PTN: variants seen among roughly 807,000 people sequenced by gnomAD.
PTN encodes the protein pleiotrophin.
A neutral mutation model predicts 24.1 loss-of-function variants in PTN; 18 were observed. That is an observed-to-expected ratio of 0.75 (90% confidence interval 0.52 to 1.11). PTN has a LOEUF of 1.11. PTN is among the 50% of genes least tolerant of loss of function. The pLI is 0.00. For missense variants in PTN, 163 were observed against 198.8 expected (o/e 0.82, Z 1.08); for synonymous variants, 78 against 68.6 (o/e 1.14, Z -0.67).
intron 1 of PTN, among the ~76,000 whole-genome samples, chr7:137,277,896 TAGATGAGATGATA>T (rs1178800261): frequency 1.4e-3 from 27 of 18,628 alleles, no homozygotes; most frequent in African/African-American, 4.5e-3. Context: ...GATAGATAGA[TAGATGAGATGATA>T]GATAGATAGA....
intron 1 of PTN, among the ~76,000 whole-genome samples, chr7:137,297,958 C>T (rs1186249151): frequency 3.3e-5 from 5 of 151,916 alleles, no homozygotes. Context: ...ACTCACTAAC[C>T]CTGTCACAAG....
At chr7:137,245,692 A>T (rs1486698996) in intron 4 of PTN, among the ~76,000 whole-genome samples, 2 of 151,886 alleles carry the variant, frequency 1.3e-5, no homozygotes, top group Non-Finnish European at 2.9e-5. Context: ...ATCATAGGAG[A>T]TGATGTGTTA....
chr7:137,316,212 C>T (rs530997799), intron 1 of PTN, among the ~76,000 whole-genome samples: 1 of 152,248 alleles, frequency 6.6e-6, no homozygotes, highest in South Asian at 2.1e-4. Flanking sequence ...ATACTTTTCC[C>T]AGACGATCCG....
At chr7:137,333,208 GC>G (rs1161727600) in intron 1 of PTN, among the ~76,000 whole-genome samples, 2 of 152,118 alleles carry the variant, frequency 1.3e-5, no homozygotes, top group African/African-American at 4.8e-5. Flanking sequence ...TGTGATGCCT[GC>G]TCCCTTTCAC....
intron 1 of PTN, among the ~76,000 whole-genome samples, chr7:137,279,767 A>G (rs1308447992): frequency 6.6e-6 from 1 of 152,224 alleles, no homozygotes; most frequent in African/African-American, 2.4e-5. Context: ...AAGAAAGGCC[A>G]TTATTAGATG....
At chr7:137,248,760 GA>G (rs1413194276) in intron 4 of PTN, among the ~76,000 whole-genome samples, 1 of 152,132 alleles carries the variant, frequency 6.6e-6, no homozygotes, top group East Asian at 1.9e-4. Context: ...TGCTGAGATG[GA>G]AAAGATTGGT....
At chr7:137,282,652 A>G (rs1213561800) in intron 1 of PTN, among the ~76,000 whole-genome samples, 8 of 152,232 alleles carry the variant, frequency 5.3e-5, no homozygotes, top group Non-Finnish European at 1.0e-4. Context: ...AATGTGATTA[A>G]AAATGGGTAC....
At chr7:137,300,396 C>T (rs929916397) in intron 1 of PTN, among the ~76,000 whole-genome samples, 1 of 151,748 alleles carries the variant, frequency 6.6e-6, no homozygotes, top group African/African-American at 2.4e-5. Flanking sequence ...GTGCTAGGGA[C>T]CAGAGACAGA....
At chr7:137,242,061 A>G (rs574553149) in intron 4 of PTN, among the ~76,000 whole-genome samples, 8 of 152,156 alleles carry the variant, frequency 5.3e-5, no homozygotes, top group Non-Finnish European at 1.2e-4. Context: ...TGTTGGGGGG[A>G]ACTTCTTTTA....
chr7:137,239,023 C>A (rs1007912436), intron 4 of PTN, among the ~76,000 whole-genome samples: 7 of 152,184 alleles, frequency 4.6e-5, no homozygotes, highest in African/African-American at 1.7e-4. Context: ...TGTGAGTACA[C>A]AGCTAATGAC....
intron 1 of PTN, among the ~76,000 whole-genome samples, chr7:137,320,958 TCA>T: frequency 1.3e-5 from 2 of 152,332 alleles, no homozygotes; most frequent in Middle Eastern, 6.8e-3. Flanking sequence ...GCTTTATTTT[TCA>T]CAGACTCAAA....
At chr7:137,260,872 T>C (rs888968311) in intron 1 of PTN, among the ~76,000 whole-genome samples, 2 of 152,186 alleles carry the variant, frequency 1.3e-5, no homozygotes, top group African/African-American at 4.8e-5. Flanking sequence ...GGTTGCAAAA[T>C]GGTGATATTC....
intron 4 of PTN, among the ~76,000 whole-genome samples, chr7:137,247,260 C>T (rs1419057852): frequency 1.3e-5 from 2 of 152,084 alleles, no homozygotes; most frequent in Non-Finnish European, 2.9e-5. Flanking sequence ...GATTTGGAAG[C>T]AACGTAAGTG....
At chr7:137,338,850 T>C (rs1210775747) in intron 1 of PTN, among the ~76,000 whole-genome samples, 1 of 152,214 alleles carries the variant, frequency 6.6e-6, no homozygotes, top group East Asian at 1.9e-4. Context: ...ATTAAAAATG[T>C]GAGTCCAGAG....
intron 4 of PTN, among the ~76,000 whole-genome samples, chr7:137,237,891 G>A (rs1038201623): frequency 6.6e-6 from 1 of 152,070 alleles, no homozygotes; most frequent in African/African-American, 2.4e-5. Context: ...TCTATTTTCT[G>A]TAAGAGTAAA....
chr7:137,257,053 T>C (rs1376527888), intron 1 of PTN, among the ~76,000 whole-genome samples: 5 of 152,232 alleles, frequency 3.3e-5, no homozygotes, highest in South Asian at 2.1e-4. Flanking sequence ...GCTTTTACAC[T>C]GTTGGTGGGA....
At chr7:137,323,506 G>A (rs1237067585) in intron 1 of PTN, among the ~76,000 whole-genome samples, 4 of 152,072 alleles carry the variant, frequency 2.6e-5, no homozygotes, top group South Asian at 2.1e-4. Flanking sequence ...ATACCTTAAC[G>A]TGTGAAAGAA....
intron 1 of PTN, among the ~76,000 whole-genome samples, chr7:137,265,112 T>A (rs992953186): frequency 6.6e-6 from 1 of 152,192 alleles, no homozygotes; most frequent in African/African-American, 2.4e-5. Context: ...GTAGTTTATC[T>A]AATTTATATT....
At chr7:137,265,205 G>A (rs926453899) in intron 1 of PTN, among the ~76,000 whole-genome samples, 17 of 152,048 alleles carry the variant, frequency 1.1e-4, no homozygotes, top group African/African-American at 3.9e-4. Flanking sequence ...TGTATTCCTC[G>A]TGGGACTCCA....
Sources: allele counts gnomAD v4.1 joint callset (sites outside exome capture counted in the v4.1 genomes callset), GRCh38; gene constraint gnomAD v4.1.1; transcripts MANE v1.5; gene names NCBI Gene and HGNC (gene_info 2026-07-23, HGNC 2026-07-21).